Variants in CPED1 observed in about 807,000 individuals in gnomAD.
The protein encoded by CPED1 is cadherin like and PC-esterase domain containing 1, also known as cadherin-like and PC-esterase domain-containing protein 1.
In CPED1, 114 loss-of-function variants were observed where a neutral mutation model predicts 128.2. The observed-to-expected ratio is 0.89, with a 90% CI of 0.76 to 1.04. CPED1 has a LOEUF of 1.04. Ranked by LOEUF, CPED1 falls within the 50% of genes least tolerant of loss-of-function variation. CPED1 has a pLI of 0.00. For synonymous variants in CPED1, 462 were observed against 426.7 expected (o/e 1.08, Z -1.02); for missense variants, 1,211 against 1,207.1 (o/e 1.00, Z -0.05).
At chr7:121,173,624 G>A (rs1796706673) in intron 16 of CPED1, among the ~76,000 whole-genome samples, 1 of 151,980 alleles carries the variant, frequency 6.6e-6, no homozygotes, top group African/African-American at 2.4e-5. Flanking sequence ...ATTTTCTTCA[G>A]TCTGTCACTG....
chr7:121,067,145 G>A (rs1477287913), intron 5 of CPED1, among the ~76,000 whole-genome samples: 1 of 152,144 alleles, frequency 6.6e-6, no homozygotes, highest in East Asian at 1.9e-4. Context: ...TTAAGTTTTA[G>A]GGTACATGTG....
rs149810550 is a variant in CPED1 at position 121,094,194 on chromosome 7, T to G, written c.617-3505T>G. On this transcript the variant is annotated intron_variant, in intron 5 of 22. Transcript: ENST00000310396. Reference sequence around the variant, plus strand: ...AATTATTAAGTAAGGCCTTTATCTTTATTGAAAATTTTAAAATAAGAAAAT... The same window carrying G: ...AATTATTAAGTAAGGCCTTTATCTTGATTGAAAATTTTAAAATAAGAAAAT... Among the ~76,000 whole-genome samples the G allele has an allele frequency of 4.6e-3, 699 of 152,306 alleles. 4 individuals are homozygous for G. Among genetic ancestry groups the G allele is most frequent in the African/African-American group, 0.016 (662 of 41,572 alleles).
intron 16 of CPED1, among the ~76,000 whole-genome samples, chr7:121,205,472 G>C (rs936770586): frequency 6.6e-6 from 1 of 151,756 alleles, no homozygotes; most frequent in Admixed American, 6.6e-5. Context: ...TGTACTTTTG[G>C]TATTATCTTT....
At chr7:121,067,702 A>G (rs1274154141) in intron 5 of CPED1, among the ~76,000 whole-genome samples, 2 of 152,180 alleles carry the variant, frequency 1.3e-5, no homozygotes, top group Admixed American at 6.5e-5. Context: ...GACTTCCACA[A>G]TGGTTGAACT....
intron 16 of CPED1, among the ~76,000 whole-genome samples, chr7:121,160,471 G>A (rs1021958703): frequency 6.6e-6 from 1 of 152,196 alleles, no homozygotes; most frequent in African/African-American, 2.4e-5. Context: ...CCCAGAGGGG[G>A]AAGGGAGAGG....
At position 121,140,955 on chromosome 7, in the gene CPED1, G is replaced by A; in HGVS notation, c.1828G>A (p.Gly610Arg). The A allele has an allele frequency of 6.2e-7, 1 of 1,612,534 alleles. No homozygotes were observed. Among genetic ancestry groups the A allele is most frequent in the Non-Finnish European group, 8.5e-7 (1 of 1,179,162 alleles). ...ATTTGATGTGGTAACAGTGACAATT[G>A]GAGTGGAAACTCCTAAGTGTCTGTG... The part of the protein sequence containing the change: ...VPFDVVTVTI[G>R]VETPKCLCKV... Residue 610 changes from glycine to arginine, a missense_variant, in exon 15 of 23, where the codon GGA (glycine) becomes AGA (arginine). Coordinates refer to ENST00000310396, the MANE Select transcript of CPED1 (RefSeq NM_024913.5).
chr7:121,145,342 G>A (rs1261548804), intron 16 of CPED1, among the ~76,000 whole-genome samples: 2 of 152,014 alleles, frequency 1.3e-5, no homozygotes, highest in Non-Finnish European at 2.9e-5. Flanking sequence ...ATCAAGAAAA[G>A]TATTAGAAAA....
intron 22 of CPED1, among the ~76,000 whole-genome samples, chr7:121,293,176 C>G (rs1030824502): frequency 2.0e-5 from 3 of 152,148 alleles, no homozygotes; most frequent in African/African-American, 7.2e-5. Context: ...TATCTATAAG[C>G]CCCTGACTAG....
At chr7:121,213,691 G>A (rs959193440) in intron 16 of CPED1, among the ~76,000 whole-genome samples, 8 of 151,976 alleles carry the variant, frequency 5.3e-5, no homozygotes, top group African/African-American at 1.7e-4. Context: ...TATTGTTAAT[G>A]CATTTTTACC....
intron 16 of CPED1, among the ~76,000 whole-genome samples, chr7:121,190,391 C>CAAAAAAAAAAAAAAAAAAAA: frequency 1.0e-5 from 1 of 97,392 alleles, no homozygotes; most frequent in Non-Finnish European, 2.0e-5. Flanking sequence ...GACTCTGTAT[C>CAAAAAAAAAAAAAAAAAAAA]AAAAAAAAAA....
intron 16 of CPED1, among the ~76,000 whole-genome samples, chr7:121,222,951 T>G (rs2116626529): frequency 6.6e-6 from 1 of 152,300 alleles, no homozygotes; most frequent in South Asian, 2.1e-4. Flanking sequence ...CTTTATTTCT[T>G]TCTCTTGCCT....
At chr7:121,128,661 G>A (rs528683047) in intron 11 of CPED1, among the ~76,000 whole-genome samples, 175 bp downstream of exon 11, 1 of 152,252 alleles carries the variant, frequency 6.6e-6, no homozygotes, top group South Asian at 2.1e-4. Context: ...AGATTTATAT[G>A]CATAACTTTA....
chr7:120,997,146 A>G (rs1422848276), intron 2 of CPED1, among the ~76,000 whole-genome samples: 1 of 152,228 alleles, frequency 6.6e-6, no homozygotes. Flanking sequence ...TTGAGAACCT[A>G]TGGAGTTTCA....
chr7:121,282,022 AT>A (rs1792473977), intron 22 of CPED1, among the ~76,000 whole-genome samples: 1 of 152,196 alleles, frequency 6.6e-6, no homozygotes, highest in African/African-American at 2.4e-5. Flanking sequence ...TAACACTCAT[AT>A]TTAACATATT....
At chr7:121,279,173 A>C (rs955066451) in intron 22 of CPED1, among the ~76,000 whole-genome samples, 1 of 152,104 alleles carries the variant, frequency 6.6e-6, no homozygotes, top group African/African-American at 2.4e-5. Context: ...AAATAATCCC[A>C]AAAGTTCTTA....
chr7:121,095,109 G>C (rs1313718129), intron 5 of CPED1, among the ~76,000 whole-genome samples: 1 of 152,150 alleles, frequency 6.6e-6, no homozygotes, highest in Non-Finnish European at 1.5e-5. Context: ...TTGGAAGACT[G>C]TGTCATACAG....
intron 14 of CPED1, among the ~76,000 whole-genome samples, chr7:121,136,324 G>A (rs1376841383): frequency 6.6e-6 from 1 of 151,996 alleles, no homozygotes; most frequent in African/African-American, 2.4e-5. Flanking sequence ...CCACTTTGAA[G>A]GGCTTTAGGA....
At chr7:121,087,477 A>G (rs933092734) in intron 5 of CPED1, among the ~76,000 whole-genome samples, 6 of 152,156 alleles carry the variant, frequency 3.9e-5, no homozygotes, top group Admixed American at 3.9e-4. Flanking sequence ...GGGAAGGAAG[A>G]GGGGTATCTG....
At chr7:121,238,558 T>C (rs1798312514) in intron 17 of CPED1, among the ~76,000 whole-genome samples, 1 of 152,070 alleles carries the variant, frequency 6.6e-6, no homozygotes, top group African/African-American at 2.4e-5. Flanking sequence ...TCTTACCATA[T>C]TATGTTAAGT....
Sources: gnomAD v4.1 joint callset for allele counts (sites outside exome capture counted in the v4.1 genomes callset) on GRCh38, gnomAD v4.1.1 for gene constraint, MANE v1.5 for transcripts, NCBI Gene and HGNC (gene_info 2026-07-23, HGNC 2026-07-21) for gene names.